The following ZC3H8 variants were observed in gnomAD, a reference collection of about 807,000 sequenced individuals.
ZC3H8 encodes the protein zinc finger CCCH-type containing 8.
ZC3H8 carries 27 observed loss-of-function variants against 42.5 expected under a neutral mutation model. The observed-to-expected ratio is 0.64, with a 90% CI of 0.47 to 0.88. The LOEUF is 0.88. Ranked by LOEUF, ZC3H8 falls within the 40% of genes least tolerant of loss-of-function variation. The pLI is 0.00. For synonymous variants in ZC3H8, 101 were observed against 110.1 expected, an observed-to-expected ratio of 0.92 and a Z score of 0.52; for missense variants, 277 against 336.1, an observed-to-expected ratio of 0.82 and a Z score of 1.37.
rs35500593 is a variant in ZC3H8 at position 112,212,965 on chromosome 2, CTTTTTTTT to C, written c.*3511_*3518del. ...CAGCAAGCACAACTCAGAAGAAATG[CTTTTTTTT>C]TTTTTTTTTTTTTTTATAAGAGACA... On this transcript the variant is annotated 3_prime_UTR_variant, in exon 9 of 9. Transcript: ENST00000409573. The C allele has an allele frequency of 1.2e-5, 1 of 84,918 alleles. No homozygotes were observed. Among genetic ancestry groups the C allele is most frequent in the African/African-American group, 4.7e-5 (1 of 21,214 alleles). The allele number at this position is 84,918 out of a possible 1,614,324, so 5.3% of individuals were successfully genotyped here.
intron 1 of ZC3H8, among the ~76,000 whole-genome samples, chr2:112,252,266 AT>A (rs1487654471): frequency 6.6e-6 from 1 of 152,170 alleles, no homozygotes; most frequent in Non-Finnish European, 1.5e-5. Flanking sequence ...CTGAAGCCTA[AT>A]CCTTCTTGCT....
chr2:112,249,504 C>T lies in ZC3H8; in HGVS notation c.156+687G>A, dbSNP rs1349562383. ...TGTTGCCCAGGCTGGAGTGCAGTGG[C>T]GGGATTTTGGCTTACTGCAACCTCC... On this transcript the variant is annotated intron_variant, in intron 2 of 8. Transcript: ENST00000409573. Among the ~76,000 whole-genome samples the T allele has an allele frequency of 5.9e-5, 9 of 152,168 alleles. No individual in the cohort carries two copies. The East Asian group carries it at 7.7e-4, about 13-fold the overall frequency.
At chr2:112,240,952 A>AGTGTGTGTGTGT (rs67273091) in intron 2 of ZC3H8, among the ~76,000 whole-genome samples, 5 of 142,604 alleles carry the variant, frequency 3.5e-5, no homozygotes, top group African/African-American at 7.9e-5. Flanking sequence ...TACAGGTAAC[A>AGTGTGTGTGTGT]GTGTGTGTGT....
intron 7 of ZC3H8, 36 bp downstream of exon 7, chr2:112,231,797 TAAAAA>T (rs1558923855): frequency 7.5e-7 from 1 of 1,341,984 alleles, no homozygotes. Flanking sequence ...ACATATTCCT[TAAAAA>T]AGAAAAAACA....
rs796262964 is a variant in ZC3H8, at chr2:112,250,441, A to T, written c.75-169T>A. Among the ~76,000 whole-genome samples, 20 of 152,390 alleles carry T rather than the reference A, an allele frequency of 1.3e-4. 1 individual carries two copies. Among genetic ancestry groups the T allele is most frequent in the African/African-American group, 4.8e-4 (20 of 41,594 alleles). On this transcript the variant is annotated intron_variant, in intron 1 of 8. Transcript: ENST00000409573. ...AAAATGTACAAAATTATGATGACCA[A>T]TAAATGTCCATATATATTTATGAAT...
intron 8 of ZC3H8, among the ~76,000 whole-genome samples, chr2:112,223,548 A>ATTACT (rs1684688734): frequency 1.3e-5 from 2 of 152,172 alleles, no homozygotes; most frequent in South Asian, 4.1e-4. Flanking sequence ...ATCTGCATAT[A>ATTACT]TTACTTTTAT....
rs1258816538 is a variant in ZC3H8 at position 112,216,379 on chromosome 2, A to T, written c.*105T>A. 6.6e-6 allele frequency: 1 copy of T among 152,358 alleles called. No individual in the cohort carries two copies. The highest frequency in any genetic ancestry group is 1.5e-5 in the Non-Finnish European group (1 of 68,104). 9.4% of individuals were successfully genotyped at this position (152,358 alleles called of 1,614,324 possible). A position where few individuals can be genotyped will look rare whatever the true frequency, so the allele number is the denominator to read the frequency against. ...GTCACACAAGAGGGCACTCTGAATG[A>T]GGAATCTTGTAAACTACTCCAAATC... On this transcript the variant is annotated 3_prime_UTR_variant, in exon 9 of 9. Transcript: ENST00000409573.
rs1558914166 is a variant in ZC3H8 at position 112,216,051 on chromosome 2, A to C, written c.*433T>G. The C allele has an allele frequency of 2.0e-5, 3 of 152,092 alleles. No homozygotes were observed. Among genetic ancestry groups the C allele is most frequent in the African/African-American group, 7.2e-5 (3 of 41,398 alleles). The allele number at this position is 152,092 out of a possible 1,614,324, so 9.4% of individuals were successfully genotyped here. A position where few individuals can be genotyped will look rare whatever the true frequency, so the allele number is the denominator to read the frequency against. On this transcript the variant is annotated 3_prime_UTR_variant, in exon 9 of 9. Coordinates refer to ENST00000409573, the MANE Select transcript of ZC3H8 (RefSeq NM_032494.3). ...CTATTTAATGTCATAAAGAGAACTA[A>C]CTCTGTTTTTATGGTCCATCTACCA...
intron 8 of ZC3H8, among the ~76,000 whole-genome samples, chr2:112,224,885 T>C (rs1007457506): frequency 6.6e-6 from 1 of 152,198 alleles, no homozygotes; most frequent in Non-Finnish European, 1.5e-5. Context: ...GTCCTATTTA[T>C]TGATTGTGGT....
At position 112,216,400 on chromosome 2, in the gene ZC3H8, A is replaced by T. The variant is rs1044318746; in HGVS notation, c.*84T>A. On this transcript the variant is annotated 3_prime_UTR_variant, in exon 9 of 9. Coordinates refer to ENST00000409573, the MANE Select transcript of ZC3H8 (RefSeq NM_032494.3). ...AATGAGGAATCTTGTAAACTACTCCAAATCACCAGTCTTGAACAGTCTTGA... is the reference window on the plus strand; with the variant it reads ...AATGAGGAATCTTGTAAACTACTCCTAATCACCAGTCTTGAACAGTCTTGA... The T allele has an allele frequency of 2.6e-5, 4 of 152,310 alleles. No individual in the cohort carries two copies. Among genetic ancestry groups the T allele is most frequent in the Non-Finnish European group, 5.9e-5 (4 of 68,074 alleles). The allele number at this position is 152,310 out of a possible 1,614,324, so 9.4% of individuals were successfully genotyped here.
In ZC3H8 at chr2:112,250,082, A is replaced by C. The variant is rs533182019; in HGVS notation, c.156+109T>G. 3.7e-4 allele frequency: 275 copies of C among 743,464 alleles called. 4 individuals are homozygous for C. In the East Asian group the frequency reaches 7.3e-3, roughly 20 times the overall value. The allele number at this position is 743,464 out of a possible 1,614,324, so 46.1% of individuals were successfully genotyped here. ...AATGAGACAAGTAGGATCCTTCATT[A>C]ATTTCTCATATCCATTTCCATCTGT... On this transcript the variant is annotated intron_variant, in intron 2 of 8. Coordinates refer to ENST00000409573, the MANE Select transcript of ZC3H8 (RefSeq NM_032494.3).
intron 8 of ZC3H8, 47 bp downstream of exon 8, chr2:112,230,855 GA>G: frequency 8.2e-7 from 1 of 1,220,252 alleles, no homozygotes; most frequent in Non-Finnish European, 1.1e-6. Context: ...CCAACTTCTG[GA>G]GATGTTCAGA....
intron 1 of ZC3H8, among the ~76,000 whole-genome samples, chr2:112,251,356 A>G (rs774907562): frequency 3.3e-5 from 5 of 152,234 alleles, no homozygotes; most frequent in Admixed American, 6.5e-5. Flanking sequence ...TCAGAGCTCC[A>G]GAGTTACATC....
chr2:112,215,559 A>G lies in ZC3H8; in HGVS notation c.*925T>C, dbSNP rs1684287796. On this transcript the variant is annotated 3_prime_UTR_variant, in exon 9 of 9. Coordinates refer to ENST00000409573, the MANE Select transcript of ZC3H8 (RefSeq NM_032494.3). ...TATCACTAGCTTTGGTGTACTCTGTATGTCCAGCAAGTTGGTAATACTATT... is the reference window on the plus strand; with the variant it reads ...TATCACTAGCTTTGGTGTACTCTGTGTGTCCAGCAAGTTGGTAATACTATT... 1 of 152,226 alleles carries G rather than the reference A, an allele frequency of 6.6e-6. No individual in the cohort carries two copies. The highest frequency in any genetic ancestry group is 1.5e-5 in the Non-Finnish European group (1 of 68,030). The allele number at this position is 152,226 out of a possible 1,614,324, so 9.4% of individuals were successfully genotyped here. A position where few individuals can be genotyped will look rare whatever the true frequency, so the allele number is the denominator to read the frequency against.
At chr2:112,238,267 A>G in intron 3 of ZC3H8, 48 bp downstream of exon 3, 1 of 1,571,374 alleles carries the variant, frequency 6.4e-7, no homozygotes, top group Non-Finnish European at 8.7e-7. Flanking sequence ...GACAACTGTG[A>G]CTGCTTCTCT....
intron 8 of ZC3H8, among the ~76,000 whole-genome samples, chr2:112,222,873 A>G (rs1684650060): frequency 6.6e-6 from 1 of 152,258 alleles, no homozygotes; most frequent in Admixed American, 6.5e-5. Flanking sequence ...TTTCAAAACT[A>G]TATGAATGAA....
intron 8 of ZC3H8, among the ~76,000 whole-genome samples, chr2:112,224,298 T>C (rs1684722203): frequency 6.6e-6 from 1 of 152,218 alleles, no homozygotes; most frequent in Non-Finnish European, 1.5e-5. Flanking sequence ...AGAAAAACTC[T>C]GGTCATGTCA....
rs933878051 is a variant in ZC3H8 at position 112,213,325 on chromosome 2, G to T, written c.*3159C>A. 2 of 151,948 alleles carry T rather than the reference G, an allele frequency of 1.3e-5. No homozygotes were observed. The highest frequency in any genetic ancestry group is 2.9e-5 in the Non-Finnish European group (2 of 67,972). 9.4% of individuals were successfully genotyped at this position (151,948 alleles called of 1,614,324 possible). ...GGTTATGCTTATAAGAAACTAGTCA[G>T]TGAACTAAGACAATTATGCTGAAAC... On this transcript the variant is annotated 3_prime_UTR_variant, in exon 9 of 9. Transcript: ENST00000409573.
At chr2:112,238,701 A>G (rs1329546793) in intron 2 of ZC3H8, 173 bp from the exon 3 acceptor site, 18 of 457,236 alleles carry the variant, frequency 3.9e-5, no homozygotes, top group Non-Finnish European at 6.7e-5. Flanking sequence ...TCCAGAATTA[A>G]AAAAAAGAAA....
Sources: gnomAD v4.1 joint callset for allele counts (sites outside exome capture counted in the v4.1 genomes callset) on GRCh38, gnomAD v4.1.1 for gene constraint, MANE v1.5 for transcripts, NCBI Gene and HGNC (gene_info 2026-07-23, HGNC 2026-07-21) for gene names.